The following DCDC1 variants were observed in gnomAD, a reference collection of about 807,000 sequenced individuals.
DCDC1 encodes the protein doublecortin domain-containing protein 1.
A neutral mutation model predicts 178.3 loss-of-function variants in DCDC1; 200 were observed. The ratio of observed to expected loss-of-function variants is 1.12; its 90% CI spans 1.00 to 1.26. DCDC1 has a LOEUF of 1.26. Among genes scored for constraint, DCDC1 ranks in the 50% most tolerant of loss-of-function variants. DCDC1 has a pLI of 0.00. For missense variants in DCDC1, 1,983 were observed against 1,749.2 expected (o/e 1.13, Z -2.38); for synonymous variants, 690 against 604.8 (o/e 1.14, Z -2.07).
At chr11:31,005,908 C>A (rs144620888) in intron 20 of DCDC1, among the ~76,000 whole-genome samples, 6 of 149,816 alleles carry the variant, frequency 4.0e-5, no homozygotes, top group African/African-American at 1.5e-4. Context: ...ATATCTCCGA[C>A]CCTTTCCTCT....
In DCDC1 at chr11:31,156,304, C is replaced by T. The variant is rs187074951; in HGVS notation, c.1222-18520G>A. Among the ~76,000 whole-genome samples, 10 of 152,184 alleles carry T rather than the reference C, an allele frequency of 6.6e-5. No homozygotes were observed. In the East Asian group the frequency reaches 7.7e-4, roughly 12 times the overall value. ...GTTCAAAGCTAATGTTTCCTATCATCGAATCAATCACAAATATTCATCTGT... is the reference window on the plus strand; with the variant it reads ...GTTCAAAGCTAATGTTTCCTATCATTGAATCAATCACAAATATTCATCTGT... On this transcript the variant is annotated intron_variant, in intron 9 of 38. Transcript: ENST00000684477.
chr11:30,996,697 C>CTGG (rs1173742528), intron 20 of DCDC1, among the ~76,000 whole-genome samples: 1 of 152,186 alleles, frequency 6.6e-6, no homozygotes, highest in African/African-American at 2.4e-5. Context: ...ACCAAACATG[C>CTGG]TGGTGCCTTG....
chr11:31,333,661 A>T (rs990311788), intron 2 of DCDC1, among the ~76,000 whole-genome samples: 7 of 152,182 alleles, frequency 4.6e-5, no homozygotes, highest in Admixed American at 6.5e-5. Context: ...TGGATATGAA[A>T]TTCTGGGTTA....
rs560477371 is a variant in DCDC1 at position 31,037,214 on chromosome 11, T to C, written c.2591+27255A>G. Among the ~76,000 whole-genome samples, 31 of 152,270 alleles carry C rather than the reference T, an allele frequency of 2.0e-4. 1 individual carries two copies. The highest frequency in any genetic ancestry group is 7.5e-4 in the African/African-American group (31 of 41,552). ...GTAGGATTACTTGATAGGTCTATAATTGTGCACATATGGCGCCATATTGAA... is the reference window on the plus strand; with the variant it reads ...GTAGGATTACTTGATAGGTCTATAACTGTGCACATATGGCGCCATATTGAA... On this transcript the variant is annotated intron_variant, in intron 20 of 38. Transcript: ENST00000684477.
intron 2 of DCDC1, among the ~76,000 whole-genome samples, chr11:31,332,315 G>C (rs904648243): frequency 2.0e-5 from 3 of 151,870 alleles, no homozygotes; most frequent in East Asian, 1.9e-4. Flanking sequence ...TTTTGTTGAT[G>C]TTTTCAAAAA....
intron 20 of DCDC1, among the ~76,000 whole-genome samples, chr11:31,048,095 A>G (rs1954979014): frequency 6.6e-6 from 1 of 152,198 alleles, no homozygotes; most frequent in Non-Finnish European, 1.5e-5. Flanking sequence ...ATCAAGTAAT[A>G]TTAAATATCT....
intron 11 of DCDC1, among the ~76,000 whole-genome samples, chr11:31,120,921 A>T (rs904794109): frequency 6.6e-6 from 1 of 152,138 alleles, no homozygotes; most frequent in African/African-American, 2.4e-5. Flanking sequence ...CATGGGGATG[A>T]AGAGGAGGAG....
intron 9 of DCDC1, among the ~76,000 whole-genome samples, chr11:31,221,371 G>GA (rs1308717359): frequency 6.6e-6 from 1 of 152,184 alleles, no homozygotes; most frequent in Non-Finnish European, 1.5e-5. Context: ...TCCAAAGGAA[G>GA]AAATCAGAAG....
At chr11:31,179,044 A>G (rs937050834) in intron 9 of DCDC1, among the ~76,000 whole-genome samples, 4 of 152,196 alleles carry the variant, frequency 2.6e-5, no homozygotes, top group African/African-American at 4.8e-5. Context: ...TCAAAAGAGA[A>G]TATAAAAACG....
intron 9 of DCDC1, among the ~76,000 whole-genome samples, chr11:31,206,672 C>T (rs1971908819): frequency 6.6e-6 from 1 of 152,166 alleles, no homozygotes; most frequent in South Asian, 2.1e-4. Flanking sequence ...CTCAGTCCCT[C>T]CAAAAGTGCT....
intron 9 of DCDC1, among the ~76,000 whole-genome samples, chr11:31,239,546 T>C (rs1485902190): frequency 1.3e-5 from 2 of 152,018 alleles, no homozygotes; most frequent in African/African-American, 2.4e-5. Context: ...CTTCTGCTTA[T>C]TTTTCTTCAT....
intron 3 of DCDC1, among the ~76,000 whole-genome samples, chr11:31,315,224 G>A (rs1202565710): frequency 6.7e-6 from 1 of 150,184 alleles, no homozygotes; most frequent in Non-Finnish European, 1.5e-5. Flanking sequence ...TTTCTACCAA[G>A]TGGTGCTGCT....
intron 24 of DCDC1, 78 bp downstream of exon 24, chr11:30,922,425 T>C: frequency 7.1e-7 from 1 of 1,403,934 alleles, no homozygotes; most frequent in Non-Finnish European, 9.3e-7. Flanking sequence ...TTAAACAAAC[T>C]TTGACTTTTT....
chr11:30,933,849 TG>T (rs1947093586), intron 21 of DCDC1, among the ~76,000 whole-genome samples: 1 of 152,196 alleles, frequency 6.6e-6, no homozygotes, highest in African/African-American at 2.4e-5. Context: ...AACATGTAAA[TG>T]GGTCATCAAT....
At chr11:31,222,742 CAG>C (rs1054827652) in intron 9 of DCDC1, among the ~76,000 whole-genome samples, 1 of 152,048 alleles carries the variant, frequency 6.6e-6, no homozygotes, top group African/African-American at 2.4e-5. Flanking sequence ...TCTCATATGG[CAG>C]AGAGAGAGTG....
intron 7 of DCDC1, among the ~76,000 whole-genome samples, chr11:31,287,963 C>T (rs921918247): frequency 3.3e-5 from 5 of 150,870 alleles, no homozygotes; most frequent in Admixed American, 6.6e-5. Context: ...ATTTTCTTCA[C>T]CACTGTAATT....
chr11:31,076,136 G>T (rs1956851805), intron 18 of DCDC1, among the ~76,000 whole-genome samples: 1 of 152,158 alleles, frequency 6.6e-6, no homozygotes, highest in Admixed American at 6.5e-5. Context: ...TGGGAGTACA[G>T]GTGTGAGCCA....
At chr11:30,991,549 TTTA>T (rs1425114291) in intron 20 of DCDC1, among the ~76,000 whole-genome samples, 2 of 152,140 alleles carry the variant, frequency 1.3e-5, no homozygotes, top group African/African-American at 2.4e-5. Flanking sequence ...TAGATGTTTA[TTTA>T]GGGCATGCCA....
At chr11:31,351,898 T>C (rs1951094641) in intron 1 of DCDC1, among the ~76,000 whole-genome samples, 1 of 152,136 alleles carries the variant, frequency 6.6e-6, no homozygotes, top group East Asian at 1.9e-4. Flanking sequence ...TATTTACAGG[T>C]ATCCAAGTGA....
Sources: allele counts gnomAD v4.1 joint callset (sites outside exome capture counted in the v4.1 genomes callset), GRCh38; gene constraint gnomAD v4.1.1; transcripts MANE v1.5; gene names NCBI Gene and HGNC (gene_info 2026-07-23, HGNC 2026-07-21).